Variants in SLC8A3 observed in about 807,000 individuals in gnomAD.
SLC8A3 encodes the protein solute carrier family 8 member A3, also known as sodium/calcium exchanger 3.
A neutral mutation model predicts 65.4 loss-of-function variants in SLC8A3; 37 were observed. The observed-to-expected ratio is 0.57, with a 90% CI of 0.44 to 0.74. The LOEUF (loss-of-function observed/expected upper bound fraction) is 0.74. Ranked by LOEUF, SLC8A3 falls within the 30% of genes least tolerant of loss-of-function variation. SLC8A3 has a pLI of 0.00. For missense variants in SLC8A3, 1,112 were observed against 1,172.1 expected (o/e 0.95, Z 0.75); for synonymous variants, 461 against 444.5 (o/e 1.04, Z -0.47).
chr14:70,098,379 G>A (rs1381161105), intron 2 of SLC8A3, among the ~76,000 whole-genome samples: 1 of 152,026 alleles, frequency 6.6e-6, no homozygotes, highest in East Asian at 1.9e-4. Flanking sequence ...AACTGCATGG[G>A]CTAAAAATAC....
chr14:70,156,106 G>A (rs1276314447), intron 2 of SLC8A3, among the ~76,000 whole-genome samples: 1 of 152,156 alleles, frequency 6.6e-6, no homozygotes, highest in Non-Finnish European at 1.5e-5. Context: ...CTGCGGTGGG[G>A]AGCTGGCTTG....
intron 2 of SLC8A3, among the ~76,000 whole-genome samples, chr14:70,101,767 C>T (rs1892567034): frequency 6.6e-6 from 1 of 152,192 alleles, no homozygotes; most frequent in South Asian, 2.1e-4. Context: ...AACTTACAAT[C>T]TTTGAGAGAA....
chr14:70,092,715 C>T (rs1401449575), intron 2 of SLC8A3, among the ~76,000 whole-genome samples: 2 of 151,962 alleles, frequency 1.3e-5, no homozygotes, highest in Admixed American at 6.6e-5. Context: ...GTCTCCAGCC[C>T]AGTGGAGGGA....
At chr14:70,137,473 A>G (rs1369134830) in intron 2 of SLC8A3, among the ~76,000 whole-genome samples, 1 of 152,172 alleles carries the variant, frequency 6.6e-6, no homozygotes, top group African/African-American at 2.4e-5. Flanking sequence ...GTCATATTTC[A>G]AAAGTACTGG....
intron 6 of SLC8A3, chr14:70,048,395 G>A: frequency 1.8e-6 from 1 of 559,326 alleles, no homozygotes; most frequent in Non-Finnish European, 3.2e-6. Flanking sequence ...CACATAATGT[G>A]GAGGTTAAGA....
rs1265994239 is a variant in SLC8A3, at chr14:70,168,405, C to A, written c.18G>T (p.Leu6Phe). 5.0e-6 allele frequency: 8 copies of A among 1,613,444 alleles called. No individual in the cohort carries two copies. The highest frequency in any genetic ancestry group is 3.3e-5 in the South Asian group (3 of 90,962). The change falls in exon 2 of 7, where the codon TTG (leucine) becomes TTT (phenylalanine). Residue 6 changes from leucine (L) to phenylalanine (F), a missense_variant. Leu to Phe is a conservative substitution (Grantham distance 22). Transcript: ENST00000356921. MAWLR[L>F]QPLTSAFLHF... is the part of the protein sequence containing the mutation. ...GGAGGAAGGCAGAGGTGAGAGGCTG[C>A]AACCTTAACCACGCCATACACGAGA... is the stretch of plus-strand genomic sequence containing the variant.
rs1889302820 is a variant in SLC8A3, at chr14:70,065,346, T to C, written c.1785-4407A>G. 2.6e-5 allele frequency among the ~76,000 whole-genome samples: 4 copies of C among 152,184 alleles called. No homozygotes were observed. In the South Asian group the frequency reaches 8.3e-4, roughly 32 times the overall value. On this transcript the variant is annotated intron_variant, in intron 2 of 6. Coordinates refer to ENST00000356921, the MANE Select transcript of SLC8A3 (RefSeq NM_182932.3). ...ATGCAACAGCAGTTACCAAGACACC[T>C]GGTCCCTGCCACCCCACCACATGAA... is the stretch of plus-strand genomic sequence containing the variant.
At chr14:70,097,317 T>G (rs1385412722) in intron 2 of SLC8A3, among the ~76,000 whole-genome samples, 2 of 150,598 alleles carry the variant, frequency 1.3e-5, no homozygotes, top group African/African-American at 4.9e-5. Flanking sequence ...TCTTTGAAGA[T>G]GAATGAAATC....
chr14:70,152,113 G>A (rs1312936342), intron 2 of SLC8A3, among the ~76,000 whole-genome samples: 2 of 152,260 alleles, frequency 1.3e-5, no homozygotes, highest in Non-Finnish European at 2.9e-5. Flanking sequence ...TCCTCAAAAG[G>A]AGGACTCGAG....
chr14:70,046,550 G>A lies in SLC8A3; in HGVS notation c.2390-227C>T, dbSNP rs1253962350. The A allele has an allele frequency of 2.0e-6, 1 of 489,222 alleles. No homozygotes were observed. The allele number at this position is 489,222 out of a possible 1,614,324, so 30.3% of individuals were successfully genotyped here. ...TCCCATTCCTCATCTGCAGTGATCT[G>A]AAAGATTCTGAAGGGCTTTCCAGTT... is the stretch of plus-strand genomic sequence containing the variant. On this transcript the variant is annotated intron_variant, in intron 6 of 6. Coordinates refer to ENST00000356921, the MANE Select transcript of SLC8A3 (RefSeq NM_182932.3). This position sits in a 1 kb window ranked among gnomAD's most constrained non-coding sequence, Gnocchi z 4.2.
intron 2 of SLC8A3, among the ~76,000 whole-genome samples, chr14:70,065,332 G>T (rs900489316): frequency 1.4e-4 from 22 of 152,114 alleles, no homozygotes; most frequent in African/African-American, 5.1e-4. Flanking sequence ...TGCAACAGCA[G>T]TTACCAAGAC....
In SLC8A3 at chr14:70,188,949, G is replaced by A. The variant is rs1343744732; in HGVS notation, c.-633C>T. ...GCCGCGCGCAGAGGGGACGCGCGGA[G>A]AGGCTGGTTTCTGGGCGAGCGGAGA... On this transcript the variant is annotated 5_prime_UTR_variant, in exon 1 of 7. Transcript: ENST00000356921. 6.6e-6 allele frequency: 1 copy of A among 152,142 alleles called. No homozygotes were observed. The highest frequency in any genetic ancestry group is 1.5e-5 in the Non-Finnish European group (1 of 68,042). 9.4% of individuals were successfully genotyped at this position (152,142 alleles called of 1,614,324 possible). A position where few individuals can be genotyped will look rare whatever the true frequency, so the allele number is the denominator to read the frequency against.
intron 2 of SLC8A3, among the ~76,000 whole-genome samples, chr14:70,138,789 G>A (rs571870615): frequency 6.6e-6 from 1 of 152,302 alleles, no homozygotes; most frequent in Non-Finnish European, 1.5e-5. Context: ...GTGGGATAAG[G>A]ACACAGGGCA....
intron 2 of SLC8A3, among the ~76,000 whole-genome samples, chr14:70,156,660 T>A (rs1254401262): frequency 6.6e-6 from 1 of 152,196 alleles, no homozygotes; most frequent in Non-Finnish European, 1.5e-5. Flanking sequence ...TTCTGGGGAT[T>A]TCCTGGAAAG....
chr14:70,095,285 G>A (rs2140081458), intron 2 of SLC8A3, among the ~76,000 whole-genome samples: 1 of 152,296 alleles, frequency 6.6e-6, no homozygotes. Flanking sequence ...AGGGCCCTAG[G>A]ACCCCCTGGC....
Position 70,087,435 on chromosome 14 carries a change from A to C in SLC8A3, c.1785-26496T>G, listed in dbSNP as rs1441329287. 3.9e-5 allele frequency among the ~76,000 whole-genome samples: 6 copies of C among 152,222 alleles called. No individual in the cohort carries two copies. In the East Asian group the frequency reaches 5.8e-4, roughly 15 times the overall value. ...CCCAGAAGTCATATAAACACTGTCT[A>C]TCAATGGCTACCGGGACTTGTGTCC... is the stretch of plus-strand genomic sequence containing the variant. On this transcript the variant is annotated intron_variant, in intron 2 of 6. Transcript: ENST00000356921.
At chr14:70,171,931 T>C (rs1897569894) in intron 1 of SLC8A3, among the ~76,000 whole-genome samples, 1 of 152,072 alleles carries the variant, frequency 6.6e-6, no homozygotes, top group Non-Finnish European at 1.5e-5. Flanking sequence ...TGCCAGGAAA[T>C]GGTTTCTGGC....
At position 70,060,862 on chromosome 14, in the gene SLC8A3, G is replaced by T; in HGVS notation, c.1862C>A (p.Pro621Gln). 2 of 1,518,384 alleles carry T rather than the reference G, an allele frequency of 1.3e-6. No homozygotes were observed. Among genetic ancestry groups the T allele is most frequent in the Non-Finnish European group, 1.8e-6 (2 of 1,125,660 alleles). The allele number at this position is 1,518,384 out of a possible 1,614,324, so 94.1% of individuals were successfully genotyped here. The change falls in exon 3 of 7, where the codon CCG (proline) becomes CAG (glutamine). Residue 621 changes from proline (P) to glutamine (Q), a missense_variant. Transcript: ENST00000356921. ...TGATATTCCACGTTCCATCCATTTCGGTTCACCAAGGGCAATGAAGAAATT... is the reference window on the plus strand; with the variant it reads ...TGATATTCCACGTTCCATCCATTTCTGTTCACCAAGGGCAATGAAGAAATT... ...QENFFIALGEPKWMERGISDV... is the reference protein window; with the variant it reads ...QENFFIALGEQKWMERGISDV...
chr14:70,077,746 A>AC (rs1890668859), intron 2 of SLC8A3, among the ~76,000 whole-genome samples: 2 of 152,128 alleles, frequency 1.3e-5, no homozygotes, highest in African/African-American at 4.8e-5. Context: ...CCCAGTACCA[A>AC]TTTCTCAAGT....
Sources: gnomAD v4.1 joint callset for allele counts (sites outside exome capture counted in the v4.1 genomes callset) on GRCh38, gnomAD v4.1.1 for gene constraint, Gnocchi (gnomAD v3.1) non-coding constraint, MANE v1.5 for transcripts, NCBI Gene and HGNC (gene_info 2026-07-23, HGNC 2026-07-21) for gene names.